GALNT17: variants seen among roughly 807,000 people sequenced by gnomAD.
The protein encoded by GALNT17 is UDP-GalNAc:polypeptide N-acetylgalactosaminyltransferase-like 3.
Under a neutral mutation model 63.7 loss-of-function variants are expected in GALNT17, and 29 were observed. That is an observed-to-expected ratio of 0.46 (90% CI 0.34 to 0.62). The LOEUF (loss-of-function observed/expected upper bound fraction) is 0.62. Among genes scored for constraint, GALNT17 ranks in the 20% least tolerant of loss-of-function variants. The probability of loss-of-function intolerance (pLI) is 0.01; values close to 1 mark genes in which losing one functional copy is unlikely to be tolerated. For missense variants in GALNT17, 603 were observed against 799.6 expected, an observed-to-expected ratio of 0.75 and a Z score of 2.97; for synonymous variants, 305 against 318.3, an observed-to-expected ratio of 0.96 and a Z score of 0.45.
Position 71,416,024 on chromosome 7 carries a change from C to G in GALNT17, c.725C>G (p.Thr242Ser). 6.2e-7 allele frequency: 1 copy of G among 1,613,404 alleles called. No individual in the cohort carries two copies. Among genetic ancestry groups the G allele is most frequent in the Non-Finnish European group, 8.5e-7 (1 of 1,179,704 alleles). ...TGGAAGGTGGCTACCGGGCAGGTCA[C>G]TGGCTTCTTTGATGCCCACGTGGAA... ...EGWKVATGQV[T>S]GFFDAHVEFT... The change falls in exon 4 of 11, where the codon ACT (threonine) becomes AGT (serine). Residue 242 changes from threonine to serine, a missense_variant. Physicochemically the swap from Thr to Ser is moderately conservative, Grantham distance 58 (BLOSUM62 1). This residue lies in a region of GALNT17 where 336 missense variants were observed against 507.8 expected (regional missense o/e 0.66). Transcript: ENST00000333538.
chr7:71,387,601 C>G (rs754222388), intron 2 of GALNT17, among the ~76,000 whole-genome samples: 1 of 152,150 alleles, frequency 6.6e-6, no homozygotes, highest in Non-Finnish European at 1.5e-5. Flanking sequence ...GCTGAAATTA[C>G]AGGTGTGAGG....
intron 1 of GALNT17, among the ~76,000 whole-genome samples, chr7:71,257,971 C>G (rs1363028182): frequency 2.0e-5 from 3 of 152,154 alleles, no homozygotes; most frequent in Admixed American, 1.3e-4. Context: ...CTGCATTGGC[C>G]CTTTATGCTT....
chr7:71,327,974 T>C (rs1791732791), intron 1 of GALNT17, among the ~76,000 whole-genome samples: 1 of 152,220 alleles, frequency 6.6e-6, no homozygotes, highest in Non-Finnish European at 1.5e-5. Flanking sequence ...TGTTGCCTCC[T>C]ATTGGTTCAT....
chr7:71,294,161 C>A (rs74356627), intron 1 of GALNT17, among the ~76,000 whole-genome samples: 127 of 143,092 alleles, frequency 8.9e-4, no homozygotes, highest in Non-Finnish European at 7.5e-4. Context: ...GACTCCGTCT[C>A]AAAAAAAAAA....
At chr7:71,196,756 C>T (rs1054924036) in intron 1 of GALNT17, among the ~76,000 whole-genome samples, 2 of 151,966 alleles carry the variant, frequency 1.3e-5, no homozygotes, top group Non-Finnish European at 2.9e-5. Flanking sequence ...CAGGCTCAAG[C>T]GATTCTCCTG....
intron 1 of GALNT17, chr7:71,283,925 C>T (rs1013065609): frequency 3.9e-5 from 6 of 152,140 alleles, no homozygotes; most frequent in Non-Finnish European, 7.3e-5. Flanking sequence ...CCATTCAGCA[C>T]TCTGTAAAAT....
At chr7:71,144,877 T>C (rs553908568) in intron 1 of GALNT17, among the ~76,000 whole-genome samples, 55 of 152,238 alleles carry the variant, frequency 3.6e-4, no homozygotes, top group Admixed American at 1.2e-3. Flanking sequence ...TACAGGTGCA[T>C]GCCACCATGC....
intron 6 of GALNT17, among the ~76,000 whole-genome samples, chr7:71,580,181 T>C (rs938825747): frequency 2.0e-5 from 3 of 149,318 alleles, no homozygotes; most frequent in African/African-American, 7.3e-5. Context: ...ATAGGTTAGA[T>C]AGAGATGATG....
intron 5 of GALNT17, among the ~76,000 whole-genome samples, chr7:71,526,241 C>T (rs868734144): frequency 4.3e-4 from 65 of 152,264 alleles, no homozygotes; most frequent in African/African-American, 1.5e-3. Flanking sequence ...CTGCCGCTTA[C>T]GCACAGGACC....
At chr7:71,401,658 G>C (rs1477596301) in intron 3 of GALNT17, among the ~76,000 whole-genome samples, 1 of 152,092 alleles carries the variant, frequency 6.6e-6, no homozygotes, top group East Asian at 1.9e-4. Context: ...TTCTTACAGA[G>C]GCATGAACCC....
At chr7:71,284,845 A>G (rs374856095) in intron 1 of GALNT17, among the ~76,000 whole-genome samples, 34 of 151,842 alleles carry the variant, frequency 2.2e-4, no homozygotes, top group African/African-American at 6.5e-4. Flanking sequence ...AGATGCTTTA[A>G]AATCATTGCA....
At chr7:71,662,662 G>A (rs1790926427) in intron 6 of GALNT17, among the ~76,000 whole-genome samples, 1 of 152,098 alleles carries the variant, frequency 6.6e-6, no homozygotes, top group South Asian at 2.1e-4. Flanking sequence ...ATTTTGCTTA[G>A]CATGCTTTCC....
In GALNT17 at chr7:71,360,737, A is replaced by G. The variant is rs539373012; in HGVS notation, c.422+25004A>G. Among the ~76,000 whole-genome samples, 89 of 152,292 alleles carry G rather than the reference A, an allele frequency of 5.8e-4. 1 individual carries two copies. The highest frequency in any genetic ancestry group is 2.0e-3 in the African/African-American group (85 of 41,580). On this transcript the variant is annotated intron_variant, in intron 2 of 10. Transcript: ENST00000333538. ...CACTTGAGGCCAGGAGTTCAAGACC[A>G]GCCTGGCCAACGTGGCAAAACCCCG...
intron 5 of GALNT17, among the ~76,000 whole-genome samples, chr7:71,438,422 G>A (rs1027016819): frequency 1.3e-5 from 2 of 152,122 alleles, no homozygotes; most frequent in Admixed American, 1.3e-4. Flanking sequence ...GCCTTTCCCA[G>A]CCCACTGACT....
At chr7:71,215,977 G>A (rs116975595) in intron 1 of GALNT17, among the ~76,000 whole-genome samples, 2,630 of 152,182 alleles carry the variant, frequency 0.017, 28 homozygotes, top group Middle Eastern at 0.037. Context: ...GTCAGGCTGA[G>A]GCAGGAGGAT....
intron 1 of GALNT17, among the ~76,000 whole-genome samples, chr7:71,325,720 C>G (rs1263251977): frequency 6.6e-6 from 1 of 152,130 alleles, no homozygotes; most frequent in Non-Finnish European, 1.5e-5. Context: ...GTGATGTGCT[C>G]TTGCTGAGCG....
At chr7:71,374,102 A>C (rs10081296) in intron 2 of GALNT17, among the ~76,000 whole-genome samples, 6,103 of 152,268 alleles carry the variant, frequency 0.04, 347 homozygotes, top group African/African-American at 0.12. Context: ...GGTGTGGAAA[A>C]CTGGAGACCA....
At chr7:71,625,138 T>TTTTATTTATTTA (rs35041454) in intron 6 of GALNT17, among the ~76,000 whole-genome samples, 4 of 149,680 alleles carry the variant, frequency 2.7e-5, no homozygotes, top group Non-Finnish European at 5.9e-5. Context: ...CAGCCTTTGT[T>TTTTATTTATTTA]TTTATTTATT....
At chr7:71,345,907 G>C (rs886533980) in intron 2 of GALNT17, among the ~76,000 whole-genome samples, 2 of 151,970 alleles carry the variant, frequency 1.3e-5, no homozygotes, top group Non-Finnish European at 2.9e-5. Context: ...ATCCAGCTGG[G>C]TGTGGGGGCT....
Sources: allele counts gnomAD v4.1 joint callset (sites outside exome capture counted in the v4.1 genomes callset), GRCh38; gene constraint gnomAD v4.1.1; regional missense constraint gnomAD v4.1.1; transcripts MANE v1.5; gene names NCBI Gene and HGNC (gene_info 2026-07-23, HGNC 2026-07-21).